The following AGTPBP1 variants were observed in gnomAD, a reference collection of about 807,000 sequenced individuals.
AGTPBP1 encodes the protein cytosolic carboxypeptidase 1.
AGTPBP1 carries 70 observed loss-of-function variants against 143.9 expected under a neutral mutation model. The observed-to-expected ratio is 0.49, with a 90% CI of 0.40 to 0.59. The LOEUF (loss-of-function observed/expected upper bound fraction) is 0.59. Ranked by LOEUF, AGTPBP1 falls within the 20% of genes least tolerant of loss-of-function variation. The pLI, the probability that AGTPBP1 is intolerant of heterozygous loss-of-function variation, is 0.00. For synonymous variants in AGTPBP1, 463 were observed against 500.2 expected (o/e 0.93, Z 0.99); for missense variants, 1,229 against 1,464.5 (o/e 0.84, Z 2.62).
intron 14 of AGTPBP1, 74 bp from the exon 15 acceptor site, chr9:85,621,359 A>G: frequency 1.5e-6 from 1 of 658,766 alleles, no homozygotes; most frequent in Non-Finnish European, 2.3e-6. Flanking sequence ...TAAATTTTGA[A>G]TGAAAAAAGT....
At position 85,546,934 on chromosome 9, in the gene AGTPBP1, G is replaced by A. The variant is rs896197791; in HGVS notation, c.*175C>T. On this transcript the variant is annotated 3_prime_UTR_variant, in exon 26 of 26. Coordinates refer to ENST00000357081, the MANE Select transcript of AGTPBP1 (RefSeq NM_001330701.2). ...ATTGAATATCGAAAATAAAACAAGCGCCAATTTTATCATTAATTAATAACA... is the reference window on the plus strand; with the variant it reads ...ATTGAATATCGAAAATAAAACAAGCACCAATTTTATCATTAATTAATAACA... 15 of 511,630 alleles carry A rather than the reference G, an allele frequency of 2.9e-5. No individual in the cohort carries two copies. Among genetic ancestry groups the A allele is most frequent in the East Asian group, 1.4e-4 (4 of 28,478 alleles). The allele number at this position is 511,630 out of a possible 1,614,324, so 31.7% of individuals were successfully genotyped here. A position where few individuals can be genotyped will look rare whatever the true frequency, so the allele number is the denominator to read the frequency against.
At chr9:85,768,152 T>C in the AGTPBP1 span, among the ~76,000 whole-genome samples, 1 of 152,252 alleles carries the variant, frequency 6.6e-6, no homozygotes, top group African/African-American at 2.4e-5. Flanking sequence ...GCAGCCTCAC[T>C]GGAGCGGGCT....
In AGTPBP1 at chr9:85,711,495, A is replaced by G. The variant is rs186136700; in HGVS notation, c.32+1007T>C. Reference sequence around the variant, plus strand: ...CACTGTGTTGCCCAGGCTGGAGTGCAGTGGCGAGATCTGGGCTCACTGCAA... The same window carrying G: ...CACTGTGTTGCCCAGGCTGGAGTGCGGTGGCGAGATCTGGGCTCACTGCAA... On this transcript the variant is annotated intron_variant, in intron 2 of 25. Coordinates refer to ENST00000357081, the MANE Select transcript of AGTPBP1 (RefSeq NM_001330701.2). Among the ~76,000 whole-genome samples, 662 of 146,432 alleles carry G rather than the reference A, an allele frequency of 4.5e-3. 2 individuals carry two copies. Among genetic ancestry groups the G allele is most frequent in the African/African-American group, 0.016 (634 of 39,410 alleles).
chr9:85,744,914 G>A (rs138907885), upstream of AGTPBP1, among the ~76,000 whole-genome samples: 6 of 152,080 alleles, frequency 3.9e-5, no homozygotes, highest in Non-Finnish European at 7.4e-5. Flanking sequence ...AAAACACAGA[G>A]CTAATTTCTA....
the AGTPBP1 span, among the ~76,000 whole-genome samples, chr9:85,779,506 A>G: frequency 9.2e-5 from 14 of 151,972 alleles, no homozygotes; most frequent in African/African-American, 3.4e-4. Flanking sequence ...CCTGCTTTAT[A>G]TTCACTGGCA....
At chr9:85,756,371 C>T in the AGTPBP1 span, 28 of 1,021,912 alleles carry the variant, frequency 2.7e-5, no homozygotes, top group African/African-American at 4.0e-4. Context: ...AAATTGGGAC[C>T]TTCATACACT....
intron 25 of AGTPBP1, among the ~76,000 whole-genome samples, chr9:85,571,462 C>A (rs1279678858): frequency 6.6e-6 from 1 of 152,070 alleles, no homozygotes; most frequent in Non-Finnish European, 1.5e-5. Context: ...TTAAAACTCA[C>A]TGAATTAAAA....
chr9:85,744,703 T>C (rs549941408), upstream of AGTPBP1, among the ~76,000 whole-genome samples: 5 of 152,234 alleles, frequency 3.3e-5, no homozygotes, highest in Admixed American at 2.6e-4. Flanking sequence ...TCCACCCCAT[T>C]CCCCCAGTGT....
intron 25 of AGTPBP1, among the ~76,000 whole-genome samples, chr9:85,549,216 A>G (rs753423618): frequency 7.2e-5 from 11 of 152,190 alleles, no homozygotes; most frequent in Non-Finnish European, 1.6e-4. Context: ...ATGGAAATGC[A>G]AGGAAGAGAC....
intron 25 of AGTPBP1, among the ~76,000 whole-genome samples, chr9:85,548,677 T>TTG (rs772662631): frequency 6.1e-5 from 8 of 130,884 alleles, no homozygotes; most frequent in African/African-American, 1.1e-4. Flanking sequence ...TTTTTTTTGT[T>TTG]TTTGTTTTTG....
At chr9:85,697,392 T>A (rs1232573184) in intron 2 of AGTPBP1, among the ~76,000 whole-genome samples, 1 of 105,320 alleles carries the variant, frequency 9.5e-6, no homozygotes, top group East Asian at 7.9e-4. Flanking sequence ...TATTATTTTT[T>A]AAATGAATTA....
chr9:85,734,558 C>G (rs1408681752), intron 1 of AGTPBP1, among the ~76,000 whole-genome samples: 1 of 152,158 alleles, frequency 6.6e-6, no homozygotes, highest in African/African-American at 2.4e-5. Flanking sequence ...CAAGATATCA[C>G]TTCGTAGCTA....
At chr9:85,618,203 A>C (rs908293835) in intron 17 of AGTPBP1, among the ~76,000 whole-genome samples, 1 of 151,750 alleles carries the variant, frequency 6.6e-6, no homozygotes, top group African/African-American at 2.4e-5. Flanking sequence ...ACTGCATTCC[A>C]ACTTGGGTAA....
At chr9:85,689,303 C>T (rs1835690670) in intron 3 of AGTPBP1, among the ~76,000 whole-genome samples, 1 of 152,152 alleles carries the variant, frequency 6.6e-6, no homozygotes, top group Non-Finnish European at 1.5e-5. Flanking sequence ...GCTAGCCATT[C>T]CCTGCTCTAG....
At chr9:85,799,059 T>C in the AGTPBP1 span, among the ~76,000 whole-genome samples, 2 of 152,066 alleles carry the variant, frequency 1.3e-5, no homozygotes, top group African/African-American at 2.4e-5. Context: ...TCAATTCCCA[T>C]CTATGAGTGA....
intron 14 of AGTPBP1, among the ~76,000 whole-genome samples, chr9:85,630,012 T>C (rs753578051): frequency 1.3e-5 from 2 of 152,212 alleles, no homozygotes; most frequent in African/African-American, 2.4e-5. Flanking sequence ...TACTTTCAGT[T>C]TGAGGCAATT....
intron 21 of AGTPBP1, among the ~76,000 whole-genome samples, chr9:85,587,580 C>G (rs1043581843): frequency 6.6e-6 from 1 of 152,046 alleles, no homozygotes; most frequent in African/African-American, 2.4e-5. Context: ...ATAACCATAA[C>G]ATATTAACTA....
intron 4 of AGTPBP1, among the ~76,000 whole-genome samples, chr9:85,680,527 T>C (rs1835102181): frequency 6.6e-6 from 1 of 151,590 alleles, no homozygotes; most frequent in Admixed American, 6.6e-5. Context: ...GAGGTTGCAT[T>C]GAGCCGAGAT....
At chr9:85,592,517 C>T in intron 19 of AGTPBP1, 43 bp downstream of exon 19, 1 of 1,408,644 alleles carries the variant, frequency 7.1e-7, no homozygotes, top group Admixed American at 2.5e-5. Context: ...CTTCCATTAT[C>T]TTATACATAT....
Sources: gnomAD v4.1 joint callset for allele counts (sites outside exome capture counted in the v4.1 genomes callset) on GRCh38, gnomAD v4.1.1 for gene constraint, MANE v1.5 for transcripts, NCBI Gene and HGNC (gene_info 2026-07-23, HGNC 2026-07-21) for gene names.